ANK2: variants seen among roughly 807,000 people sequenced by gnomAD.
ANK2 encodes the protein ankyrin 2, also known as ankyrin-2.
In ANK2, 83 loss-of-function variants were observed where a neutral mutation model predicts 360.5. The observed-to-expected ratio is 0.23, with a 90% CI of 0.19 to 0.28. The LOEUF is 0.28. ANK2 is among the 10% of genes least tolerant of loss of function. ANK2 has a pLI of 1.00. For missense variants in ANK2, 4,201 were observed against 4,795.7 expected, an observed-to-expected ratio of 0.88 and a Z score of 3.66; for synonymous variants, 1,740 against 1,759.5, an observed-to-expected ratio of 0.99 and a Z score of 0.28.
intron 39 of ANK2, 89 bp from the exon 40 acceptor site, chr4:113,363,249 G>T: frequency 1.5e-6 from 2 of 1,329,182 alleles, no homozygotes; most frequent in Non-Finnish European, 2.1e-6. Flanking sequence ...ACAATATAAA[G>T]AACACATCAT....
chr4:113,357,305 C>A lies in ANK2; in HGVS notation c.8687C>A (p.Ser2896Tyr). The A allele has an allele frequency of 6.2e-7, 1 of 1,614,086 alleles. No homozygotes were observed. Among genetic ancestry groups the A allele is most frequent in the Non-Finnish European group, 8.5e-7 (1 of 1,179,988 alleles). ...LPKDCPSQDS[S>Y]ITTQTDRFSM... ...AAGGACTGCCCCTCTCAAGACTCAT[C>A]CATTACTACTCAAACAGATAGATTT... Residue 2896 changes from serine to tyrosine, a missense_variant, in exon 38 of 46, where the codon TCC becomes TAC. By Grantham distance (144) the Ser-to-Tyr change is moderately radical. Around this residue, in one of 4 missense-constraint regions of ANK2, gnomAD observed 2,642 missense variants for 2,714.5 expected, o/e 0.97. Coordinates refer to ENST00000357077, the MANE Select transcript of ANK2 (RefSeq NM_001148.6).
intron 23 of ANK2, 92 bp downstream of exon 23, chr4:113,302,931 G>T: frequency 9.1e-7 from 1 of 1,098,590 alleles, no homozygotes; most frequent in Non-Finnish European, 1.4e-6. Flanking sequence ...TGGTTATGTG[G>T]ATGACAGAAT....
intron 26 of ANK2, among the ~76,000 whole-genome samples, chr4:113,322,844 A>T (rs2087044530): frequency 1.3e-5 from 2 of 152,348 alleles, no homozygotes; most frequent in African/African-American, 4.8e-5. Context: ...TGACAATATT[A>T]ATGTTTATCT....
the ANK2 span, among the ~76,000 whole-genome samples, chr4:112,751,755 A>C: frequency 2.6e-5 from 4 of 152,184 alleles, no homozygotes; most frequent in East Asian, 5.8e-4. Flanking sequence ...TAAGGTAGGA[A>C]GTGAGATCCA....
intron 1 of ANK2, among the ~76,000 whole-genome samples, chr4:112,894,679 G>T (rs1326913773): frequency 6.6e-6 from 1 of 152,142 alleles, no homozygotes; most frequent in African/African-American, 2.4e-5. Flanking sequence ...TTTATTGGGA[G>T]CATGGTGTTA....
At chr4:113,334,740 GTT>G (rs1444186123) in intron 29 of ANK2, among the ~76,000 whole-genome samples, 1 of 60,730 alleles carries the variant, frequency 1.6e-5, no homozygotes. Flanking sequence ...TTACTAGAAA[GTT>G]AATAGATTAA....
intron 2 of ANK2, among the ~76,000 whole-genome samples, chr4:113,015,526 C>A (rs1349762294): frequency 6.6e-6 from 1 of 152,116 alleles, no homozygotes; most frequent in Non-Finnish European, 1.5e-5. Flanking sequence ...GTTCATGAGG[C>A]CATTCAAAAT....
intron 1 of ANK2, among the ~76,000 whole-genome samples, chr4:113,147,223 C>T (rs554271219): frequency 6.6e-6 from 1 of 152,204 alleles, no homozygotes; most frequent in East Asian, 1.9e-4. Context: ...GATCACCCAC[C>T]GTTAACAACC....
At chr4:113,323,902 C>A in intron 26 of ANK2, 1 of 963,118 alleles carries the variant, frequency 1.0e-6, no homozygotes, top group Non-Finnish European at 1.5e-6. Flanking sequence ...TGTGAAGATA[C>A]CTAGCCAAAG....
At chr4:113,258,248 A>G in intron 12 of ANK2, 65 bp from the exon 13 acceptor site, 1 of 1,584,628 alleles carries the variant, frequency 6.3e-7, no homozygotes. Flanking sequence ...AGTTTTATTT[A>G]TCTGAAGAAG....
At chr4:113,137,726 C>A (rs1416016695) in intron 1 of ANK2, among the ~76,000 whole-genome samples, 7 of 152,138 alleles carry the variant, frequency 4.6e-5, no homozygotes, top group Admixed American at 4.6e-4. Context: ...TTATAAACTT[C>A]TGACTGTAAA....
chr4:112,822,238 T>TAAAAAAAAAAA (rs1211981767), intron 1 of ANK2, among the ~76,000 whole-genome samples: 2 of 88,538 alleles, frequency 2.3e-5, no homozygotes, highest in Non-Finnish European at 5.0e-5. Flanking sequence ...CTGTCTCTAC[T>TAAAAAAAAAAA]AAAAAAAAAA....
At chr4:113,244,144 C>G (rs1011829739) in intron 9 of ANK2, among the ~76,000 whole-genome samples, 4 of 152,062 alleles carry the variant, frequency 2.6e-5, no homozygotes, top group African/African-American at 9.7e-5. Flanking sequence ...TTAGATACAG[C>G]AAATAAATTA....
chr4:113,351,707 G>T, intron 37 of ANK2, among the ~76,000 whole-genome samples: 2 of 150,306 alleles, frequency 1.3e-5, no homozygotes, highest in African/African-American at 2.4e-5. Flanking sequence ...CATCCATATG[G>T]CTCAGTTGTT....
chr4:112,771,261 C>T, the ANK2 span, among the ~76,000 whole-genome samples: 3 of 151,970 alleles, frequency 2.0e-5, no homozygotes, highest in Non-Finnish European at 2.9e-5. Flanking sequence ...TACAGGCATG[C>T]GCCACCACGC....
At chr4:112,844,824 T>A (rs1335733195) in intron 1 of ANK2, among the ~76,000 whole-genome samples, 2 of 152,210 alleles carry the variant, frequency 1.3e-5, no homozygotes, top group Non-Finnish European at 2.9e-5. Context: ...TTAGTATCCA[T>A]AAAATTAAGA....
the ANK2 span, among the ~76,000 whole-genome samples, chr4:112,710,848 G>A: frequency 6.6e-5 from 10 of 150,570 alleles, no homozygotes; most frequent in African/African-American, 2.2e-4. Context: ...TGCTGGTCCT[G>A]AGAAAAATAT....
intron 1 of ANK2, among the ~76,000 whole-genome samples, chr4:112,875,112 CCT>C (rs2074614599): frequency 6.6e-6 from 1 of 151,776 alleles, no homozygotes; most frequent in South Asian, 2.1e-4. Flanking sequence ...ACCTCCGCCT[CCT>C]GGGTTCAAGT....
At chr4:113,317,631 G>A (rs2083603697) in intron 24 of ANK2, 76 bp from the exon 25 acceptor site, 4 of 1,131,012 alleles carry the variant, frequency 3.5e-6, no homozygotes, top group Non-Finnish European at 5.4e-6. Context: ...TCACTCTCCT[G>A]CTCGGCTCAT....
Sources: gnomAD v4.1 joint callset for allele counts (sites outside exome capture counted in the v4.1 genomes callset) on GRCh38, gnomAD v4.1.1 for gene constraint, gnomAD v4.1.1 regional missense constraint, MANE v1.5 for transcripts, NCBI Gene and HGNC (gene_info 2026-07-23, HGNC 2026-07-21) for gene names.